The following CNTN6 variants were observed in gnomAD, a reference collection of about 807,000 sequenced individuals.
CNTN6 encodes contactin-6.
In CNTN6, 137 loss-of-function variants were observed where a neutral mutation model predicts 122.8. That is an observed-to-expected ratio of 1.12 (90% CI 0.97 to 1.29). CNTN6 has a LOEUF of 1.29. Ranked by LOEUF, CNTN6 falls within the 50% of genes most tolerant of loss-of-function variation. The pLI is 0.00. For missense variants in CNTN6, 1,634 were observed against 1,223.4 expected (o/e 1.34, Z -5.01); for synonymous variants, 570 against 426.0 (o/e 1.34, Z -4.16).
chr3:1,172,572 A>G (rs1195076228), intron 2 of CNTN6, among the ~76,000 whole-genome samples: 1 of 152,128 alleles, frequency 6.6e-6, no homozygotes, highest in East Asian at 1.9e-4. Context: ...ATTTCCCAAA[A>G]GCATCCAAGA....
At chr3:1,320,556 A>G (rs1174407205) in intron 7 of CNTN6, among the ~76,000 whole-genome samples, 1 of 151,696 alleles carries the variant, frequency 6.6e-6, no homozygotes, top group Non-Finnish European at 1.5e-5. Context: ...AAGGTTTACC[A>G]ATTGACTTTG....
chr3:1,393,659 A>T (rs1005019093), intron 20 of CNTN6, among the ~76,000 whole-genome samples: 1 of 152,052 alleles, frequency 6.6e-6, no homozygotes, highest in African/African-American at 2.4e-5. Flanking sequence ...TTAAAAAAAA[A>T]AACACATTGT....
chr3:1,114,174 G>A (rs912930922), intron 1 of CNTN6, among the ~76,000 whole-genome samples: 1 of 152,202 alleles, frequency 6.6e-6, no homozygotes, highest in African/African-American at 2.4e-5. Context: ...GACTTTGGCA[G>A]AACGGGAGGG....
chr3:1,193,992 G>T (rs2093739474), intron 2 of CNTN6, among the ~76,000 whole-genome samples: 1 of 152,038 alleles, frequency 6.6e-6, no homozygotes, highest in African/African-American at 2.4e-5. Flanking sequence ...CCCAAAGCAT[G>T]TGTTATCCTT....
intron 1 of CNTN6, among the ~76,000 whole-genome samples, chr3:1,110,961 C>A (rs555759949): frequency 6.6e-6 from 1 of 152,096 alleles, no homozygotes; most frequent in Non-Finnish European, 1.5e-5. Flanking sequence ...TCAGATGAAC[C>A]ACTTACTACA....
At chr3:1,281,596 C>G (rs1693452187) in intron 5 of CNTN6, among the ~76,000 whole-genome samples, 1 of 151,984 alleles carries the variant, frequency 6.6e-6, no homozygotes, top group African/African-American at 2.4e-5. Flanking sequence ...TCCCGAGTAG[C>G]TGGAACCACA....
At chr3:1,319,733 T>G (rs1449886904) in intron 7 of CNTN6, among the ~76,000 whole-genome samples, 1 of 151,444 alleles carries the variant, frequency 6.6e-6, no homozygotes, top group African/African-American at 2.4e-5. Flanking sequence ...TAGAGCTCTA[T>G]TTTTCCTTTG....
chr3:1,244,720 G>T (rs1164587912), intron 4 of CNTN6, among the ~76,000 whole-genome samples: 2 of 152,112 alleles, frequency 1.3e-5, no homozygotes, highest in Non-Finnish European at 2.9e-5. Flanking sequence ...TCCGAAAAGA[G>T]AGTCAGCGAA....
intron 1 of CNTN6, among the ~76,000 whole-genome samples, chr3:1,131,220 G>A (rs930747392): frequency 3.9e-5 from 6 of 152,116 alleles, no homozygotes; most frequent in Non-Finnish European, 8.8e-5. Context: ...TCCTGGAAAT[G>A]TAGTGCTGAG....
At chr3:1,372,984 C>T (rs1434123874) in intron 14 of CNTN6, 29 bp downstream of exon 14, 1 of 1,277,242 alleles carries the variant, frequency 7.8e-7, no homozygotes, top group South Asian at 1.3e-5. Context: ...AAAGTGATCA[C>T]ATTGTTTCTT....
chr3:1,215,984 C>G (rs7644569), intron 2 of CNTN6, among the ~76,000 whole-genome samples: 1 of 151,992 alleles, frequency 6.6e-6, no homozygotes, highest in East Asian at 1.9e-4. Context: ...ATTTCTTTTT[C>G]AATGAATTGT....
rs1457743390 is a variant in CNTN6, at chr3:1,373,695, T to A, written c.1878T>A (p.Ser626Arg). The A allele has an allele frequency of 6.2e-7, 1 of 1,613,152 alleles. No individual in the cohort carries two copies. Among genetic ancestry groups the A allele is most frequent in the Admixed American group, 1.7e-5 (1 of 59,916 alleles). ...GGAGAGCAGGCCCAGATAATAACAG[T>A]CCCATTCAAATATTTACTATTCAGA... ...LSWRAGPDNN[S>R]PIQIFTIQTR... Residue 626 changes from serine (S) to arginine (R), a missense_variant, in exon 15 of 23, where the codon AGT becomes AGA. Ser to Arg is a moderately radical substitution (Grantham distance 110). Coordinates refer to ENST00000446702, the MANE Select transcript of CNTN6 (RefSeq NM_001289080.2).
In CNTN6 at chr3:1,323,155, A is replaced by G. The variant is rs563428722; in HGVS notation, c.946+1321A>G. On this transcript the variant is annotated intron_variant, in intron 8 of 22. Transcript: ENST00000446702. ...TGTTAGCTTACATAGCAATTTTACA[A>G]ACATTCACTTATAGAATTCTTAATC... Among the ~76,000 whole-genome samples, 121 of 151,920 alleles carry G rather than the reference A, an allele frequency of 8.0e-4. No homozygotes were observed. In the South Asian group the frequency reaches 0.012, roughly 15 times the overall value.
intron 11 of CNTN6, among the ~76,000 whole-genome samples, chr3:1,340,683 A>G (rs1266477680): frequency 6.6e-6 from 1 of 152,132 alleles, no homozygotes; most frequent in Non-Finnish European, 1.5e-5. Context: ...CACTTTTGTA[A>G]ACCTAATTTT....
chr3:1,321,930 G>A (rs897721932), intron 8 of CNTN6, 96 bp downstream of exon 8: 4 of 1,093,334 alleles, frequency 3.7e-6, no homozygotes, highest in South Asian at 3.3e-5. Flanking sequence ...AAAGTGTCAC[G>A]GGAGAAATAA....
intron 11 of CNTN6, among the ~76,000 whole-genome samples, chr3:1,340,832 T>C (rs1236895193): frequency 6.6e-6 from 1 of 152,126 alleles, no homozygotes; most frequent in Non-Finnish European, 1.5e-5. Flanking sequence ...AATCATCAGA[T>C]TACAGGGAGC....
intron 4 of CNTN6, among the ~76,000 whole-genome samples, chr3:1,236,684 C>T (rs1277874638): frequency 6.6e-6 from 1 of 152,128 alleles, no homozygotes; most frequent in Non-Finnish European, 1.5e-5. Context: ...TCTTCAACTC[C>T]CCCAAAAGAT....
At chr3:1,293,705 A>G (rs1695719411) in intron 5 of CNTN6, among the ~76,000 whole-genome samples, 1 of 152,070 alleles carries the variant, frequency 6.6e-6, no homozygotes, top group South Asian at 2.1e-4. Context: ...CATCCAACTG[A>G]AGACTTTTTT....
chr3:1,147,961 T>C lies in CNTN6; in HGVS notation c.-48T>C. Reference sequence around the variant, plus strand: ...ATACTGACTGGAAGATAGACTGTTTTGTTCCACCTGATTGTATGGGAGAAA... The same window carrying C: ...ATACTGACTGGAAGATAGACTGTTTCGTTCCACCTGATTGTATGGGAGAAA... On this transcript the variant is annotated 5_prime_UTR_variant, in exon 2 of 23. Transcript: ENST00000446702. 1 of 1,413,696 alleles carries C rather than the reference T, an allele frequency of 7.1e-7. No homozygotes were observed. Among genetic ancestry groups the C allele is most frequent in the Non-Finnish European group, 1.0e-6 (1 of 999,936 alleles). 87.6% of individuals were successfully genotyped at this position (1,413,696 alleles called of 1,614,324 possible). A position where few individuals can be genotyped will look rare whatever the true frequency, so the allele number is the denominator to read the frequency against.
Sources: allele counts gnomAD v4.1 joint callset (sites outside exome capture counted in the v4.1 genomes callset), GRCh38; gene constraint gnomAD v4.1.1; transcripts MANE v1.5; gene names NCBI Gene and HGNC (gene_info 2026-07-23, HGNC 2026-07-21).